ELF5: variants seen among roughly 807,000 people sequenced by gnomAD.
ELF5 encodes ETS-related transcription factor Elf-5.
Under a neutral mutation model 38.2 loss-of-function variants are expected in ELF5, and 31 were observed. That is an observed-to-expected ratio of 0.81 (90% CI 0.61 to 1.10). ELF5 has a LOEUF of 1.10. Among genes scored for constraint, ELF5 ranks in the 50% least tolerant of loss-of-function variants. The pLI is 0.00. For missense variants in ELF5, 300 were observed against 306.6 expected (o/e 0.98, Z 0.16); for synonymous variants, 121 against 112.5 (o/e 1.08, Z -0.48).
Position 34,479,422 on chromosome 11 carries a change from T to C in ELF5, c.*796A>G, listed in dbSNP as rs1477058948. ...CAACAATTAATAATGTGGTTAATGT[T>C]AAGTGTTTAAGTCCAGAAGGATGTC... On this transcript the variant is annotated 3_prime_UTR_variant, in exon 7 of 7. Coordinates refer to ENST00000257832, the MANE Select transcript of ELF5 (RefSeq NM_001422.4). 6.6e-6 allele frequency: 1 copy of C among 152,222 alleles called. No homozygotes were observed. Among genetic ancestry groups the C allele is most frequent in the African/African-American group, 2.4e-5 (1 of 41,448 alleles). The allele number at this position is 152,222 out of a possible 1,614,324, so 9.4% of individuals were successfully genotyped here.
chr11:34,493,223 C>T (rs1285136100), intron 3 of ELF5: 1 of 596,826 alleles, frequency 1.7e-6, no homozygotes, highest in East Asian at 2.8e-5. Context: ...GGTGCCTGGG[C>T]AGTCCCTGAA....
At chr11:34,513,139 C>T (rs1410913257) in intron 1 of ELF5, among the ~76,000 whole-genome samples, 2 of 152,194 alleles carry the variant, frequency 1.3e-5, no homozygotes, top group Non-Finnish European at 2.9e-5. Flanking sequence ...GAAGCATTCT[C>T]TTCTGGGGAG....
rs1030986760 is a variant in ELF5 at position 34,487,326 on chromosome 11, T to C, written c.406+2683A>G. On this transcript the variant is annotated intron_variant, in intron 4 of 6. Transcript: ENST00000257832. ...AGGGAAGAGCCCATGGCACCAACCA[T>C]CAGCAGAGGGCTTGTCTCCATGAGT... Among the ~76,000 whole-genome samples, 7 of 152,132 alleles carry C rather than the reference T, an allele frequency of 4.6e-5. No individual in the cohort carries two copies. In the South Asian group the frequency reaches 1.0e-3, roughly 23 times the overall value.
chr11:34,511,671 C>G, intron 1 of ELF5: 1 of 1,472,350 alleles, frequency 6.8e-7, no homozygotes, highest in Non-Finnish European at 9.4e-7. Context: ...GTTGGAGGGA[C>G]AGGCCTGTGG....
In ELF5 at chr11:34,503,544, G is replaced by A. The variant is rs1180944385; in HGVS notation, c.121+2085C>T. ...GCTCACTGCAGCCTCGGCCTTCCGG[G>A]CTCAAGGGATCCTCCTGCCTCAGCC... On this transcript the variant is annotated intron_variant, in intron 2 of 6. Coordinates refer to ENST00000257832, the MANE Select transcript of ELF5 (RefSeq NM_001422.4). Among the ~76,000 whole-genome samples, 3 of 151,966 alleles carry A rather than the reference G, an allele frequency of 2.0e-5. No homozygotes were observed. In the East Asian group the frequency reaches 5.8e-4, roughly 29 times the overall value.
intron 6 of ELF5, 107 bp from the exon 7 acceptor site, chr11:34,480,421 T>C: frequency 1.2e-6 from 1 of 862,814 alleles, no homozygotes; most frequent in Non-Finnish European, 1.9e-6. Flanking sequence ...GGCTGGTCTT[T>C]GGTTACCCTG....
chr11:34,512,776 C>T (rs1850794892), intron 1 of ELF5, among the ~76,000 whole-genome samples: 1 of 152,062 alleles, frequency 6.6e-6, no homozygotes, highest in Non-Finnish European at 1.5e-5. Context: ...TTATGAAAAA[C>T]AGTATTGCAG....
intron 4 of ELF5, among the ~76,000 whole-genome samples, chr11:34,486,850 A>G (rs905869268): frequency 2.6e-5 from 4 of 152,236 alleles, no homozygotes; most frequent in Non-Finnish European, 5.9e-5. Context: ...TGAAGACCCA[A>G]TGGGAACATT....
chr11:34,503,051 AT>A (rs1444688697), intron 2 of ELF5, among the ~76,000 whole-genome samples: 1 of 152,226 alleles, frequency 6.6e-6, no homozygotes. Flanking sequence ...ACACTTAATC[AT>A]TTTAACTTTT....
intron 4 of ELF5, among the ~76,000 whole-genome samples, chr11:34,488,580 A>G (rs771567029): frequency 1.3e-5 from 2 of 152,222 alleles, no homozygotes; most frequent in Non-Finnish European, 2.9e-5. Flanking sequence ...CCTTATCCTC[A>G]TCATCATAAT....
intron 2 of ELF5, among the ~76,000 whole-genome samples, chr11:34,499,301 G>A (rs1166326803): frequency 6.6e-6 from 1 of 152,096 alleles, no homozygotes; most frequent in African/African-American, 2.4e-5. Flanking sequence ...GAGTGCAGTT[G>A]CTCGAACATG....
intron 2 of ELF5, among the ~76,000 whole-genome samples, chr11:34,500,338 A>G (rs755469176): frequency 4.6e-5 from 7 of 152,228 alleles, no homozygotes; most frequent in Non-Finnish European, 8.8e-5. Flanking sequence ...TTGTCACTGA[A>G]AGGAAGGACT....
intron 4 of ELF5, among the ~76,000 whole-genome samples, chr11:34,487,903 T>C (rs1850046839): frequency 6.6e-6 from 1 of 152,172 alleles, no homozygotes; most frequent in South Asian, 2.1e-4. Flanking sequence ...CTGGCCAAGC[T>C]AATGCTAGAC....
chr11:34,511,453 C>G, intron 1 of ELF5: 2 of 1,555,780 alleles, frequency 1.3e-6, no homozygotes, highest in Non-Finnish European at 1.8e-6. Flanking sequence ...TTCTAGCTGC[C>G]TAGTAAGTAG....
At chr11:34,485,140 T>G (rs1849954704) in intron 4 of ELF5, among the ~76,000 whole-genome samples, 1 of 152,108 alleles carries the variant, frequency 6.6e-6, no homozygotes, top group Non-Finnish European at 1.5e-5. Flanking sequence ...CCCTGGGTGA[T>G]ACTATTATGA....
intron 2 of ELF5, among the ~76,000 whole-genome samples, chr11:34,498,278 T>C (rs1317121749): frequency 1.3e-5 from 2 of 152,226 alleles, no homozygotes; most frequent in Non-Finnish European, 2.9e-5. Context: ...CATCCACTTA[T>C]ACTTGTCAAT....
intron 3 of ELF5, among the ~76,000 whole-genome samples, chr11:34,490,857 C>T (rs1055127813): frequency 2.0e-5 from 3 of 152,140 alleles, no homozygotes; most frequent in African/African-American, 7.2e-5. Context: ...AGCCACGCGC[C>T]TCAGTTGACT....
chr11:34,487,752 C>T (rs1419832192), intron 4 of ELF5, among the ~76,000 whole-genome samples: 4 of 152,072 alleles, frequency 2.6e-5, no homozygotes, highest in Admixed American at 6.5e-5. Context: ...AGAATTGAAC[C>T]GCTCAGTAGA....
chr11:34,493,479 C>T lies in ELF5; in HGVS notation c.355G>A (p.Gly119Ser), dbSNP rs1262669443. 5.0e-6 allele frequency: 8 copies of T among 1,613,108 alleles called. No homozygotes were observed. Among genetic ancestry groups the T allele is most frequent in the Non-Finnish European group, 6.8e-6 (8 of 1,179,550 alleles). ...YFILQNIRTQ[G>S]YSFFNDAEES... is the part of the protein sequence containing the mutation. ...GAGGTCTGGCCCTCTGAACACTGAC[C>T]TTGTGTGCGGATGTTCTGGAGGATG... Residue 119 changes from glycine (G) to serine (S), a missense_variant and splice_region_variant, in exon 3 of 7, where the codon GGT (glycine) becomes AGT (serine). By Grantham distance (56) the Gly-to-Ser change is moderately conservative. Transcript: ENST00000257832.
Sources: allele counts gnomAD v4.1 joint callset (sites outside exome capture counted in the v4.1 genomes callset), GRCh38; gene constraint gnomAD v4.1.1; transcripts MANE v1.5; gene names NCBI Gene and HGNC (gene_info 2026-07-23, HGNC 2026-07-21).